The following WWOX variants were observed in gnomAD, a reference collection of about 807,000 sequenced individuals.
WWOX encodes the protein WW domain-containing oxidoreductase.
WWOX carries 69 observed loss-of-function variants against 46.2 expected under a neutral mutation model. The observed-to-expected ratio is 1.49, with a 90% confidence interval of 1.23 to 1.82. WWOX has a LOEUF of 1.82. Ranked by LOEUF, WWOX falls within the 40% of genes most tolerant of loss-of-function variation. The pLI is 0.00. For missense variants in WWOX, 919 were observed against 542.6 expected, an observed-to-expected ratio of 1.69 and a Z score of -6.89; for synonymous variants, 359 against 202.6, an observed-to-expected ratio of 1.77 and a Z score of -6.56.
rs147499932 is a variant in WWOX at position 78,391,429 on chromosome 16, C to G, written c.605+4481C>G. Among the ~76,000 whole-genome samples, 308 of 152,310 alleles carry G rather than the reference C, an allele frequency of 2.0e-3. 1 individual carries two copies. The highest frequency in any genetic ancestry group is 6.8e-3 in the African/African-American group (283 of 41,552). Reference sequence around the variant, plus strand: ...GCCTAAGACACTTTCTCAACTTGAGCAAGTAGGAGATCCAGAATTTGAACC... The same window carrying G: ...GCCTAAGACACTTTCTCAACTTGAGGAAGTAGGAGATCCAGAATTTGAACC... On this transcript the variant is annotated intron_variant, in intron 6 of 8. Coordinates refer to ENST00000566780, the MANE Select transcript of WWOX (RefSeq NM_016373.4).
intron 5 of WWOX, among the ~76,000 whole-genome samples, chr16:78,361,299 T>A (rs962763625): frequency 6.6e-6 from 1 of 152,180 alleles, no homozygotes; most frequent in Non-Finnish European, 1.5e-5. Flanking sequence ...ATAATGTTGA[T>A]CTGTCTCATC....
intron 6 of WWOX, among the ~76,000 whole-genome samples, chr16:78,394,720 A>T (rs8060137): frequency 6.6e-6 from 1 of 152,170 alleles, no homozygotes; most frequent in Non-Finnish European, 1.5e-5. Context: ...GAAAGCAGCC[A>T]TAGATAGTAT....
At chr16:78,265,686 A>G (rs1451986031) in intron 5 of WWOX, among the ~76,000 whole-genome samples, 1 of 151,460 alleles carries the variant, frequency 6.6e-6, no homozygotes, top group Non-Finnish European at 1.5e-5. Context: ...GTCAAAAAAA[A>G]AAAAAAACAA....
chr16:79,050,936 G>A (rs561455884), intron 8 of WWOX, among the ~76,000 whole-genome samples: 70 of 152,300 alleles, frequency 4.6e-4, no homozygotes, highest in African/African-American at 1.7e-3. Flanking sequence ...GAGGAGAAAC[G>A]AGAAATTACA....
chr16:78,829,405 C>T (rs1321446696), intron 8 of WWOX, among the ~76,000 whole-genome samples: 2 of 152,242 alleles, frequency 1.3e-5, no homozygotes, highest in South Asian at 4.2e-4. Flanking sequence ...AGATGAGATC[C>T]ACCCCTACAG....
chr16:78,194,876 C>A (rs532301022), intron 5 of WWOX, among the ~76,000 whole-genome samples: 1 of 152,192 alleles, frequency 6.6e-6, no homozygotes, highest in African/African-American at 2.4e-5. Context: ...AACTGTCTTA[C>A]GTGTTCCATT....
At chr16:78,866,750 G>A (rs1284165540) in intron 8 of WWOX, among the ~76,000 whole-genome samples, 1 of 152,206 alleles carries the variant, frequency 6.6e-6, no homozygotes, top group Non-Finnish European at 1.5e-5. Flanking sequence ...ACTGTTTCCA[G>A]CCACGGGCTA....
intron 8 of WWOX, among the ~76,000 whole-genome samples, chr16:78,653,767 TGTTA>T (rs1487017504): frequency 6.6e-6 from 1 of 152,222 alleles, no homozygotes; most frequent in East Asian, 1.9e-4. Context: ...TGAAATAAGC[TGTTA>T]GTTTGGTGCA....
Position 78,295,419 on chromosome 16 carries a change from T to C in WWOX, c.517-91441T>C, listed in dbSNP as rs142513745. ...GCTGTTTACATTATCAGAATAAGAA[T>C]GGTTCTCCAAGGCCAGGTGTGGTGG... On this transcript the variant is annotated intron_variant, in intron 5 of 8. Coordinates refer to ENST00000566780, the MANE Select transcript of WWOX (RefSeq NM_016373.4). Among the ~76,000 whole-genome samples the C allele has an allele frequency of 2.5e-3, 378 of 152,222 alleles. 2 individuals carry two copies. The highest frequency in any genetic ancestry group is 8.4e-3 in the African/African-American group (349 of 41,560).
intron 8 of WWOX, among the ~76,000 whole-genome samples, chr16:78,902,103 C>G (rs2044845020): frequency 6.6e-6 from 1 of 152,298 alleles, no homozygotes; most frequent in African/African-American, 2.4e-5. Context: ...GATTTCAGAG[C>G]TGGCAGACAG....
intron 8 of WWOX, among the ~76,000 whole-genome samples, chr16:78,804,613 T>C (rs185702502): frequency 6.6e-5 from 10 of 152,338 alleles, no homozygotes; most frequent in Admixed American, 6.5e-4. Context: ...GCTCAAAATG[T>C]TTTACATGTC....
intron 8 of WWOX, among the ~76,000 whole-genome samples, chr16:79,140,891 C>T (rs1724334002): frequency 6.6e-6 from 1 of 152,146 alleles, no homozygotes; most frequent in African/African-American, 2.4e-5. Flanking sequence ...TTCTGCATGT[C>T]TCTGTTGGGA....
chr16:78,165,770 A>T (rs1328417416), intron 5 of WWOX, among the ~76,000 whole-genome samples: 1 of 152,154 alleles, frequency 6.6e-6, no homozygotes, highest in Non-Finnish European at 1.5e-5. Flanking sequence ...GAAAAGGAAG[A>T]TTTATTTCTG....
intron 8 of WWOX, among the ~76,000 whole-genome samples, chr16:78,472,809 CAAAAAAA>C (rs756666392): frequency 0.18 from 8,888 of 50,740 alleles, 518 homozygotes; most frequent in South Asian, 0.43. Flanking sequence ...AACTCCATCT[CAAAAAAA>C]AAAAAAAAAA....
chr16:78,563,586 A>C (rs951067166), intron 8 of WWOX, among the ~76,000 whole-genome samples: 10 of 151,220 alleles, frequency 6.6e-5, no homozygotes, highest in African/African-American at 2.4e-4. Flanking sequence ...TTTAGAACCA[A>C]ATGCCTTTTA....
At chr16:78,766,849 T>A (rs1278308105) in intron 8 of WWOX, among the ~76,000 whole-genome samples, 1 of 152,210 alleles carries the variant, frequency 6.6e-6, no homozygotes, top group Non-Finnish European at 1.5e-5. Context: ...TCATAGTCAT[T>A]AAATATATTC....
chr16:78,306,548 T>A (rs1453542243), intron 5 of WWOX, among the ~76,000 whole-genome samples: 1 of 152,168 alleles, frequency 6.6e-6, no homozygotes, highest in African/African-American at 2.4e-5. Flanking sequence ...GATATTGGGC[T>A]TGCTTCCACT....
At chr16:78,121,905 C>T (rs1018927116) in intron 4 of WWOX, among the ~76,000 whole-genome samples, 7 of 152,136 alleles carry the variant, frequency 4.6e-5, no homozygotes, top group African/African-American at 1.7e-4. Context: ...AGGCAATCTG[C>T]TTGCCTCAAC....
In WWOX at chr16:78,804,220, C is replaced by G. The variant is rs561768774; in HGVS notation, c.1056+371468C>G. Among the ~76,000 whole-genome samples, 7 of 152,162 alleles carry G rather than the reference C, an allele frequency of 4.6e-5. No individual in the cohort carries two copies. The South Asian group carries it at 1.0e-3, about 23-fold the overall frequency. On this transcript the variant is annotated intron_variant, in intron 8 of 8. Transcript: ENST00000566780. ...ACTGCAGTCCCTCCTCTATGCCTTC[C>G]CCTGAACACAGTGCGCCCTCACTAA...
Sources: allele counts gnomAD v4.1 joint callset (sites outside exome capture counted in the v4.1 genomes callset), GRCh38; gene constraint gnomAD v4.1.1; transcripts MANE v1.5; gene names NCBI Gene and HGNC (gene_info 2026-07-23, HGNC 2026-07-21).